The following RGL1 variants were observed in gnomAD, a reference collection of about 807,000 sequenced individuals.
RGL1 encodes ral guanine nucleotide dissociation stimulator like 1, also known as ral guanine nucleotide dissociation stimulator-like 1.
Under a neutral mutation model 95.2 loss-of-function variants are expected in RGL1, and 24 were observed. That is an observed-to-expected ratio of 0.25 (90% CI 0.18 to 0.35). The LOEUF is 0.35. RGL1 is among the 10% of genes least tolerant of loss of function. The pLI is 1.00. For missense variants in RGL1, 715 were observed against 936.3 expected (o/e 0.76, Z 3.08); for synonymous variants, 329 against 344.9 (o/e 0.95, Z 0.51).
At chr1:183,718,388 C>A (rs1655772641) in intron 1 of RGL1, among the ~76,000 whole-genome samples, 1 of 152,162 alleles carries the variant, frequency 6.6e-6, no homozygotes, top group Admixed American at 6.5e-5. Context: ...TCAATAGTCA[C>A]CATACACTAG....
intron 1 of RGL1, among the ~76,000 whole-genome samples, chr1:183,712,276 CA>C (rs1230280104): frequency 6.6e-6 from 1 of 152,206 alleles, no homozygotes; most frequent in Non-Finnish European, 1.5e-5. Flanking sequence ...AGGCCTGTGA[CA>C]GCAGGAGGAG....
chr1:183,680,315 G>A (rs1653124372), intron 1 of RGL1, among the ~76,000 whole-genome samples: 1 of 152,202 alleles, frequency 6.6e-6, no homozygotes, highest in South Asian at 2.1e-4. Flanking sequence ...GAATGGTATT[G>A]CCTAGGTTTT....
intron 4 of RGL1, among the ~76,000 whole-genome samples, chr1:183,871,954 T>C (rs905023420): frequency 2.0e-5 from 3 of 151,388 alleles, no homozygotes; most frequent in Non-Finnish European, 4.4e-5. Context: ...TGCCTCACGG[T>C]GATTTCTGAT....
chr1:183,712,772 G>A lies in RGL1; in HGVS notation c.-32-29354G>A, dbSNP rs536770326. On this transcript the variant is annotated intron_variant, in intron 1 of 18. Coordinates refer to the RGL1 transcript ENST00000304685. ...ATAGACCTTAATCCCAGCTCCTAAA[G>A]TAGAATGGAATTGTGGAAATCAAGT... 9.2e-5 allele frequency among the ~76,000 whole-genome samples: 14 copies of A among 152,298 alleles called. No homozygotes were observed. The South Asian group carries it at 2.9e-3, about 32-fold the overall frequency.
chr1:183,758,665 AG>A (rs1291897771), intron 2 of RGL1, among the ~76,000 whole-genome samples: 1 of 152,026 alleles, frequency 6.6e-6, no homozygotes, highest in African/African-American at 2.4e-5. Context: ...CCCTTTTATA[AG>A]GGCATGAATC....
chr1:183,656,505 T>G (rs1482464406), intron 1 of RGL1, among the ~76,000 whole-genome samples: 1 of 152,270 alleles, frequency 6.6e-6, no homozygotes, highest in East Asian at 1.9e-4. Context: ...GGCAGCCAAC[T>G]GTTCAAACTG....
In RGL1 at chr1:183,912,230, A is replaced by G. The variant is rs1668685667; in HGVS notation, c.1711A>G (p.Ile571Val). ...SNHSEAEEGS[I>V]TPMDTPDEPQ... The stretch of plus-strand genomic sequence containing the variant: ...CCACTCAGAGGCTGAGGAGGGCTCC[A>G]TTACTCCCATGGACACCCCTGATGA... The change falls in exon 15 of 18, where the codon ATT (isoleucine) becomes GTT (valine). Residue 571 changes from isoleucine to valine, a missense_variant. This residue lies in a region of RGL1 where 330 missense variants were observed against 429.6 expected (regional missense o/e 0.77). Coordinates refer to ENST00000360851, the MANE Select transcript of RGL1 (RefSeq NM_001297671.3). 1 of 1,614,068 alleles carries G rather than the reference A, an allele frequency of 6.2e-7. No homozygotes were observed. Among genetic ancestry groups the G allele is most frequent in the African/African-American group, 1.3e-5 (1 of 75,022 alleles).
intron 2 of RGL1, among the ~76,000 whole-genome samples, chr1:183,831,846 C>T (rs531216845): frequency 1.3e-5 from 2 of 152,198 alleles, no homozygotes; most frequent in East Asian, 3.9e-4. Flanking sequence ...TGCGGGATAC[C>T]TATAATTAAA....
chr1:183,849,462 T>G (rs1664670269), intron 3 of RGL1, among the ~76,000 whole-genome samples: 1 of 149,788 alleles, frequency 6.7e-6, no homozygotes, highest in Non-Finnish European at 1.5e-5. Context: ...GGATAGACAT[T>G]TAAGTTTTCT....
chr1:183,782,959 G>T (rs796779889), intron 2 of RGL1, among the ~76,000 whole-genome samples: 3 of 152,180 alleles, frequency 2.0e-5, no homozygotes, highest in African/African-American at 7.2e-5. Flanking sequence ...ATCATAAACA[G>T]AAATATCTAG....
chr1:183,782,059 T>C (rs1478248301), intron 2 of RGL1, among the ~76,000 whole-genome samples: 2 of 152,240 alleles, frequency 1.3e-5, no homozygotes, highest in Non-Finnish European at 2.9e-5. Context: ...GCTCTTAAGC[T>C]AATCAATAGA....
intron 17 of RGL1, among the ~76,000 whole-genome samples, chr1:183,925,705 C>T (rs1669576320): frequency 6.6e-6 from 1 of 152,162 alleles, no homozygotes; most frequent in South Asian, 2.1e-4. Flanking sequence ...TTGAGAAAAT[C>T]TGCATACTGG....
At chr1:183,898,814 C>T (rs1298656864) in intron 10 of RGL1, among the ~76,000 whole-genome samples, 2 of 152,190 alleles carry the variant, frequency 1.3e-5, no homozygotes, top group African/African-American at 4.8e-5. Context: ...GGACAAAACC[C>T]TCCTTGGTAT....
At chr1:183,738,730 G>A (rs1231959153) in intron 1 of RGL1, among the ~76,000 whole-genome samples, 2 of 151,872 alleles carry the variant, frequency 1.3e-5, no homozygotes, top group Non-Finnish European at 2.9e-5. Flanking sequence ...GTAAAATCTC[G>A]TCTCTGTTAA....
intron 1 of RGL1, among the ~76,000 whole-genome samples, chr1:183,720,386 C>G (rs1655951262): frequency 6.6e-6 from 1 of 152,222 alleles, no homozygotes; most frequent in Non-Finnish European, 1.5e-5. Flanking sequence ...TTCATACCGT[C>G]CCTATACTCC....
At chr1:183,770,414 A>G (rs1331118899) in intron 2 of RGL1, among the ~76,000 whole-genome samples, 1 of 152,170 alleles carries the variant, frequency 6.6e-6, no homozygotes, top group East Asian at 1.9e-4. Flanking sequence ...CTCCTGGCCC[A>G]TGCATTCCCA....
intron 2 of RGL1, among the ~76,000 whole-genome samples, chr1:183,769,337 A>T (rs570748596): frequency 2.0e-5 from 3 of 152,230 alleles, no homozygotes; most frequent in Non-Finnish European, 2.9e-5. Flanking sequence ...CTTCTGTGCC[A>T]AACCCTGACA....
chr1:183,647,460 TAAA>T, intron 1 of RGL1: 1 of 589,122 alleles, frequency 1.7e-6, no homozygotes, highest in Non-Finnish European at 2.5e-6. Context: ...ACTTTCAAAA[TAAA>T]GGAGAGAGAT....
intron 2 of RGL1, among the ~76,000 whole-genome samples, chr1:183,751,344 A>G (rs1434136906): frequency 1.3e-5 from 2 of 152,130 alleles, no homozygotes; most frequent in African/African-American, 2.4e-5. Flanking sequence ...GAACTTCCCA[A>G]TGGCTTTGTT....
Sources: allele counts gnomAD v4.1 joint callset (sites outside exome capture counted in the v4.1 genomes callset), GRCh38; gene constraint gnomAD v4.1.1; regional missense constraint gnomAD v4.1.1; transcripts MANE v1.5; gene names NCBI Gene and HGNC (gene_info 2026-07-23, HGNC 2026-07-21).